The following ZBTB20 variants were observed in gnomAD, a reference collection of about 807,000 sequenced individuals.
ZBTB20 encodes zinc finger and BTB domain-containing protein 20.
Under a neutral mutation model 56.9 loss-of-function variants are expected in ZBTB20, and 9 were observed. The ratio of observed to expected loss-of-function variants is 0.16; its 90% CI spans 0.10 to 0.28. The LOEUF is 0.28. Ranked by LOEUF, ZBTB20 falls within the 10% of genes least tolerant of loss-of-function variation. The probability of loss-of-function intolerance (pLI) is 1.00; values close to 1 mark genes in which losing one functional copy is unlikely to be tolerated. For synonymous variants in ZBTB20, 417 were observed against 420.7 expected (o/e 0.99, Z 0.11); for missense variants, 655 against 1,003.0 (o/e 0.65, Z 4.69).
chr3:114,935,285 G>A (rs2076495043), intron 3 of ZBTB20, among the ~76,000 whole-genome samples: 1 of 152,176 alleles, frequency 6.6e-6, no homozygotes, highest in South Asian at 2.1e-4. Flanking sequence ...AATCTTGTCA[G>A]AGTAATTCCT....
At chr3:114,897,006 A>T (rs1175085664) in intron 4 of ZBTB20, among the ~76,000 whole-genome samples, 1 of 152,102 alleles carries the variant, frequency 6.6e-6, no homozygotes, top group Non-Finnish European at 1.5e-5. Context: ...AGTAGTGGTG[A>T]TGGCGAGGGA....
chr3:114,490,371 G>A (rs950797151), intron 7 of ZBTB20, among the ~76,000 whole-genome samples: 16 of 151,932 alleles, frequency 1.1e-4, no homozygotes, highest in African/African-American at 3.6e-4. Flanking sequence ...ACAAGCACCC[G>A]CCACTATGCC....
At chr3:115,053,762 T>C (rs2081643596) in intron 2 of ZBTB20, among the ~76,000 whole-genome samples, 1 of 152,104 alleles carries the variant, frequency 6.6e-6, no homozygotes, top group South Asian at 2.1e-4. Flanking sequence ...CCTATAAACC[T>C]GTCTGATACT....
At chr3:114,719,877 A>C (rs889783025) in intron 5 of ZBTB20, among the ~76,000 whole-genome samples, 1 of 152,046 alleles carries the variant, frequency 6.6e-6, no homozygotes, top group Admixed American at 6.6e-5. Flanking sequence ...CAAATATCAG[A>C]TCAGTCCTGC....
At chr3:115,140,351 CTACT>C (rs1456921984) in intron 1 of ZBTB20, among the ~76,000 whole-genome samples, 1 of 152,058 alleles carries the variant, frequency 6.6e-6, no homozygotes, top group African/African-American at 2.4e-5. Flanking sequence ...GTAATTACTT[CTACT>C]TACTTAATTT....
At chr3:114,640,187 A>G (rs1192963302) in intron 6 of ZBTB20, among the ~76,000 whole-genome samples, 16 of 152,006 alleles carry the variant, frequency 1.1e-4, no homozygotes. Flanking sequence ...GGGATATTGC[A>G]TAGATCATGT....
chr3:114,584,287 G>T (rs964096968), intron 6 of ZBTB20, among the ~76,000 whole-genome samples: 1 of 151,888 alleles, frequency 6.6e-6, no homozygotes, highest in Non-Finnish European at 1.5e-5. Context: ...CCACAGAAAA[G>T]ATTTTTATTT....
chr3:114,836,310 C>T (rs2074118203), intron 4 of ZBTB20, among the ~76,000 whole-genome samples: 1 of 152,092 alleles, frequency 6.6e-6, no homozygotes, highest in African/African-American at 2.4e-5. Context: ...GTATATATTA[C>T]TTACAAATTC....
chr3:114,366,916 C>T (rs990816304), intron 10 of ZBTB20: 7 of 124,336 alleles, frequency 5.6e-5, no homozygotes, highest in African/African-American at 1.5e-4. Context: ...CAATCCTCCT[C>T]GGAAGTGAAA....
At chr3:114,985,865 C>A (rs946485246) in intron 2 of ZBTB20, among the ~76,000 whole-genome samples, 1 of 152,064 alleles carries the variant, frequency 6.6e-6, no homozygotes, top group African/African-American at 2.4e-5. Flanking sequence ...AATATTTTAG[C>A]CTTTGCAGGT....
chr3:115,140,534 CGA>C (rs1049746630), intron 1 of ZBTB20, among the ~76,000 whole-genome samples: 6 of 151,546 alleles, frequency 4.0e-5, no homozygotes, highest in African/African-American at 9.7e-5. Context: ...TGTGTGAGTG[CGA>C]GAGAGTGTGT....
At chr3:114,506,593 C>T (rs891510000) in intron 6 of ZBTB20, among the ~76,000 whole-genome samples, 1 of 152,092 alleles carries the variant, frequency 6.6e-6, no homozygotes, top group South Asian at 2.1e-4. Context: ...TTCCAAAGAA[C>T]TTTCTCTTCT....
intron 1 of ZBTB20, among the ~76,000 whole-genome samples, chr3:115,074,814 G>C (rs1032834693): frequency 1.3e-5 from 2 of 152,058 alleles, no homozygotes; most frequent in African/African-American, 4.8e-5. Flanking sequence ...GAGTGGAGCT[G>C]GGCCTCTGAT....
chr3:114,821,598 C>T (rs980239659), intron 4 of ZBTB20, among the ~76,000 whole-genome samples: 4 of 152,012 alleles, frequency 2.6e-5, no homozygotes, highest in African/African-American at 9.7e-5. Flanking sequence ...TCCTTGCGCC[C>T]GACCCTACCA....
chr3:114,351,257 A>T lies in ZBTB20; in HGVS notation c.821T>A (p.Leu274His). Residue 274 changes from leucine to histidine, a missense_variant, in exon 11 of 12, where the codon CTC becomes CAC. Coordinates refer to ENST00000675478, the MANE Select transcript of ZBTB20 (RefSeq NM_001348800.3). ...CATGTGGTGGTCGCGGGGCAGGCCG[A>T]GCGCAGTCTCGTGGTGGCTGACCAC... ...GAVVSHHETA[L>H]GLPRDHHMED... 1 of 1,599,438 alleles carries T rather than the reference A, an allele frequency of 6.3e-7. No homozygotes were observed. The highest frequency in any genetic ancestry group is 8.5e-7 in the Non-Finnish European group (1 of 1,177,872).
At chr3:114,530,155 T>G (rs558217331) in intron 6 of ZBTB20, among the ~76,000 whole-genome samples, 4 of 152,230 alleles carry the variant, frequency 2.6e-5, no homozygotes, top group Non-Finnish European at 5.9e-5. Context: ...GAGTATACAG[T>G]AATGTCCTAG....
intron 7 of ZBTB20, among the ~76,000 whole-genome samples, chr3:114,427,162 TA>T (rs2089744959): frequency 6.6e-6 from 1 of 152,190 alleles, no homozygotes; most frequent in Admixed American, 6.5e-5. Context: ...CATCTGAGTG[TA>T]ACAAGAAATA....
Position 114,329,784 on chromosome 3 carries a change from A to G in ZBTB20, c.*9221T>C, listed in dbSNP as rs143627093. The G allele has an allele frequency of 4.2e-3, 634 of 149,546 alleles. 3 individuals are homozygous for G. The highest frequency in any genetic ancestry group is 0.015 in the African/African-American group (606 of 40,984). The allele number at this position is 149,546 out of a possible 1,614,324, so 9.3% of individuals were successfully genotyped here. On this transcript the variant is annotated 3_prime_UTR_variant, in exon 12 of 12. Transcript: ENST00000675478. Reference sequence around the variant, plus strand: ...CTATATTGCCAAGCTGCCTCCAGGGAAAGGTTGAAGACTAGTTAAAATAAT... The same window carrying G: ...CTATATTGCCAAGCTGCCTCCAGGGGAAGGTTGAAGACTAGTTAAAATAAT...
chr3:114,557,138 A>G (rs765301474), intron 6 of ZBTB20, among the ~76,000 whole-genome samples: 37 of 152,198 alleles, frequency 2.4e-4, no homozygotes, highest in Non-Finnish European at 4.4e-4. Context: ...AGGAAGTAGC[A>G]GATGAGCTGG....
Sources: gnomAD v4.1 joint callset for allele counts (sites outside exome capture counted in the v4.1 genomes callset) on GRCh38, gnomAD v4.1.1 for gene constraint, MANE v1.5 for transcripts, NCBI Gene and HGNC (gene_info 2026-07-23, HGNC 2026-07-21) for gene names.